VCAN: variants seen among roughly 807,000 people sequenced by gnomAD.
VCAN encodes versican.
A neutral mutation model predicts 245.5 loss-of-function variants in VCAN; 44 were observed. The ratio of observed to expected loss-of-function variants is 0.18; its 90% CI spans 0.14 to 0.23. The LOEUF is 0.23. VCAN is among the 10% of genes least tolerant of loss of function. VCAN has a pLI of 1.00. For synonymous variants in VCAN, 1,413 were observed against 1,437.0 expected (o/e 0.98, Z 0.38); for missense variants, 3,793 against 4,057.9 (o/e 0.93, Z 1.77).
At chr5:83,572,598 C>T in intron 13 of VCAN, 38 bp downstream of exon 13, 8 of 1,610,580 alleles carry the variant, frequency 5.0e-6, no homozygotes, top group Non-Finnish European at 6.8e-6. Context: ...ACTTAATCTT[C>T]ATTTCAATTA....
At chr5:83,556,477 A>G (rs1747670300) in intron 12 of VCAN, among the ~76,000 whole-genome samples, 1 of 152,170 alleles carries the variant, frequency 6.6e-6, no homozygotes, top group Non-Finnish European at 1.5e-5. Flanking sequence ...CAAGTTCTTA[A>G]GTAGGTTATT....
Position 83,537,573 on chromosome 5 carries a change from G to T in VCAN, c.4570G>T (p.Glu1524Ter). The T allele has an allele frequency of 6.2e-7, 1 of 1,613,200 alleles. No homozygotes were observed. The highest frequency in any genetic ancestry group is 8.5e-7 in the Non-Finnish European group (1 of 1,179,398). Residue 1524 changes from glutamate (E) to a stop codon, truncating the protein, a stop_gained, in exon 8 of 15, where the codon GAG (glutamate) becomes TAG (stop). Coordinates refer to ENST00000265077, the MANE Select transcript of VCAN (RefSeq NM_004385.5). LOFTEE classifies it high-confidence loss of function. ...TAKKGAESVT[E>*]RDTEVGHQAH... ...CAAAAAAGGGGCAGAATCAGTCACA[G>T]AGAGAGATACTGAAGTTGGTCATCA...
chr5:83,477,595 T>C (rs958692831), intron 1 of VCAN, among the ~76,000 whole-genome samples: 36 of 152,330 alleles, frequency 2.4e-4, no homozygotes, highest in African/African-American at 7.9e-4. Flanking sequence ...AAACCTGTTC[T>C]AAGCAAAACA....
intron 7 of VCAN, among the ~76,000 whole-genome samples, chr5:83,529,237 G>A (rs112094932): frequency 0.062 from 9,378 of 150,072 alleles, 969 homozygotes; most frequent in African/African-American, 0.21. Flanking sequence ...AGAGCCTTTG[G>A]AAAGAGACCT....
intron 12 of VCAN, among the ~76,000 whole-genome samples, chr5:83,559,785 C>A (rs550876543): frequency 3.9e-5 from 6 of 152,204 alleles, no homozygotes; most frequent in Non-Finnish European, 5.9e-5. Flanking sequence ...GAGTAGTTGA[C>A]ATAGAACAGG....
chr5:83,483,656 C>A, intron 2 of VCAN, 68 bp downstream of exon 2: 1 of 1,377,778 alleles, frequency 7.3e-7, no homozygotes, highest in Non-Finnish European at 1.0e-6. Flanking sequence ...GATGAAATGG[C>A]AATGTGGAAT....
intron 12 of VCAN, among the ~76,000 whole-genome samples, chr5:83,566,781 A>T (rs77476171): frequency 6.6e-6 from 1 of 152,226 alleles, no homozygotes; most frequent in Admixed American, 6.5e-5. Context: ...GACCTGCAGG[A>T]TGAGTCTTCT....
chr5:83,579,499 G>A (rs1257873345), intron 13 of VCAN, among the ~76,000 whole-genome samples: 3 of 152,042 alleles, frequency 2.0e-5, no homozygotes, highest in Non-Finnish European at 4.4e-5. Flanking sequence ...TCTTGATCTC[G>A]TGATCCACCC....
intron 5 of VCAN, among the ~76,000 whole-genome samples, chr5:83,498,600 T>A (rs1745234375): frequency 6.6e-6 from 1 of 152,224 alleles, no homozygotes; most frequent in Non-Finnish European, 1.5e-5. Context: ...TGTACATAAC[T>A]TGTAAGCCAA....
At chr5:83,546,121 C>G (rs1268462543) in intron 9 of VCAN, among the ~76,000 whole-genome samples, 1 of 152,068 alleles carries the variant, frequency 6.6e-6, no homozygotes, top group Non-Finnish European at 1.5e-5. Context: ...CAGCAACCAG[C>G]CCAACGTGCC....
Position 83,539,860 on chromosome 5 carries a change from A to G in VCAN, c.6857A>G (p.His2286Arg), listed in dbSNP as rs1311843235. 1 of 1,614,070 alleles carries G rather than the reference A, an allele frequency of 6.2e-7. No homozygotes were observed. Among genetic ancestry groups the G allele is most frequent in the East Asian group, 2.2e-5 (1 of 44,846 alleles). The change falls in exon 8 of 15, where the codon CAC becomes CGC. Residue 2286 changes from histidine (H) to arginine (R), a missense_variant. Transcript: ENST00000265077. ...CAAATCAATAACACATTATATCCCC[A>G]CACTTCTCAAGTGGAAAGTACCTCA... ...VEQINNTLYP[H>R]TSQVESTSSD...
chr5:83,562,270 C>T (rs1447106941), intron 12 of VCAN: 1 of 152,270 alleles, frequency 6.6e-6, no homozygotes, highest in East Asian at 1.9e-4. Context: ...CTCAGATTCC[C>T]TTCTGTGAAA....
At chr5:83,472,272 T>G (rs1418015975) in intron 1 of VCAN, among the ~76,000 whole-genome samples, 1 of 148,856 alleles carries the variant, frequency 6.7e-6, no homozygotes, top group Non-Finnish European at 1.5e-5. Context: ...CAGGGTGGGG[T>G]GGGGGGTAAA....
At chr5:83,483,191 T>C (rs938397589) in intron 1 of VCAN, among the ~76,000 whole-genome samples, 1 of 152,240 alleles carries the variant, frequency 6.6e-6, no homozygotes, top group African/African-American at 2.4e-5. Flanking sequence ...AACTGTGGTC[T>C]CTGTTGTTCT....
At chr5:83,547,364 G>A (rs913856548) in intron 9 of VCAN, among the ~76,000 whole-genome samples, 1 of 152,030 alleles carries the variant, frequency 6.6e-6, no homozygotes, top group African/African-American at 2.4e-5. Flanking sequence ...AACATTCTTA[G>A]GTGATGCTGA....
intron 5 of VCAN, among the ~76,000 whole-genome samples, chr5:83,511,437 G>T (rs1213647487): frequency 6.6e-6 from 1 of 152,034 alleles, no homozygotes; most frequent in African/African-American, 2.4e-5. Flanking sequence ...TACACACTGG[G>T]CCTGGTGCTC....
intron 12 of VCAN, among the ~76,000 whole-genome samples, chr5:83,556,040 A>C (rs16900571): frequency 6.6e-6 from 1 of 152,206 alleles, no homozygotes; most frequent in Admixed American, 6.5e-5. Flanking sequence ...TCAAAAACAG[A>C]TGTCAAAGTA....
At chr5:83,495,960 C>G (rs757870045) in intron 5 of VCAN, among the ~76,000 whole-genome samples, 6 of 152,142 alleles carry the variant, frequency 3.9e-5, no homozygotes, top group Non-Finnish European at 8.8e-5. Context: ...ACTATCAGCT[C>G]TTAGCTCTCT....
In VCAN at chr5:83,476,423, A is replaced by G. The variant is rs188421226; in HGVS notation, c.-7+4400A>G. ...GTAGTAAGGTATTTTTTCACCACCC[A>G]CGTAGAGAAACCAGTTAGGACTGAC... On this transcript the variant is annotated intron_variant, in intron 1 of 14. Transcript: ENST00000265077. Among the ~76,000 whole-genome samples, 15 of 152,308 alleles carry G rather than the reference A, an allele frequency of 9.8e-5. No homozygotes were observed. The East Asian group carries it at 2.9e-3, about 29-fold the overall frequency.
Sources: gnomAD v4.1 joint callset for allele counts (sites outside exome capture counted in the v4.1 genomes callset) on GRCh38, gnomAD v4.1.1 for gene constraint, MANE v1.5 for transcripts, NCBI Gene and HGNC (gene_info 2026-07-23, HGNC 2026-07-21) for gene names.